The following SLC39A12 variants were observed in gnomAD, a reference collection of about 807,000 sequenced individuals.
SLC39A12 encodes the protein zinc transporter ZIP12.
A neutral mutation model predicts 71.1 loss-of-function variants in SLC39A12; 63 were observed. That is an observed-to-expected ratio of 0.89 (90% CI 0.72 to 1.09). The LOEUF (loss-of-function observed/expected upper bound fraction) is 1.09, where lower values mean the gene tolerates loss of function less well. Ranked by LOEUF, SLC39A12 falls within the 50% of genes least tolerant of loss-of-function variation. The probability of loss-of-function intolerance (pLI) is 0.00; values close to 1 mark genes in which losing one functional copy is unlikely to be tolerated. For synonymous variants in SLC39A12, 351 were observed against 301.3 expected (o/e 1.16, Z -1.71); for missense variants, 892 against 812.6 (o/e 1.10, Z -1.19).
At chr10:17,953,866 A>G (rs1554847481) in intron 2 of SLC39A12, among the ~76,000 whole-genome samples, 1 of 152,216 alleles carries the variant, frequency 6.6e-6, no homozygotes, top group Non-Finnish European at 1.5e-5. Context: ...CCTTCAGTGC[A>G]CTTGCACGTG....
chr10:18,042,708 C>A lies in SLC39A12; in HGVS notation c.1951C>A (p.Pro651Thr). 1 of 1,602,086 alleles carries A rather than the reference C, an allele frequency of 6.2e-7. No homozygotes were observed. Among genetic ancestry groups the A allele is most frequent in the Non-Finnish European group, 8.5e-7 (1 of 1,175,832 alleles). The part of the protein sequence containing the change: ...FLYLSLVEML[P>T]EMTHVQTQRP... ...TGGTTTTTTATTCTTTTTTTAGCTT[C>A]CTGAAATGACTCATGTTCAAACACA... Residue 651 changes from proline (P) to threonine (T), a missense_variant, in exon 13 of 13, where the codon CCT (proline) becomes ACT (threonine). By Grantham distance (38) the Pro-to-Thr change is conservative. Transcript: ENST00000377369.
Position 18,000,768 on chromosome 10 carries a change from G to A in SLC39A12, c.1702G>A (p.Glu568Lys), listed in dbSNP as rs1251522991. 3.1e-6 allele frequency: 5 copies of A among 1,614,050 alleles called. No homozygotes were observed. The African/African-American group carries it at 4.0e-5, about 13-fold the overall frequency. The change falls in exon 11 of 13, where the codon GAG becomes AAG. Residue 568 changes from glutamate (E) to lysine (K), a missense_variant. Coordinates refer to ENST00000377369, the MANE Select transcript of SLC39A12 (RefSeq NM_001145195.2). Reference protein sequence around the residue: ...AIGAAFSSSSESGVTTTIAIL... With the variant: ...AIGAAFSSSSKSGVTTTIAIL... The stretch of plus-strand genomic sequence containing the variant: ...AGGAGCAGCCTTCTCATCATCATCC[G>A]AGTCAGGAGTGACCACTACGATTGC...
At chr10:18,024,644 G>T (rs528613269) in intron 12 of SLC39A12, among the ~76,000 whole-genome samples, 42 of 152,256 alleles carry the variant, frequency 2.8e-4, no homozygotes, top group African/African-American at 9.9e-4. Flanking sequence ...GCACACGCTA[G>T]CTACTTCTAG....
intron 10 of SLC39A12, among the ~76,000 whole-genome samples, chr10:17,996,110 C>T (rs958457313): frequency 6.6e-6 from 1 of 152,180 alleles, no homozygotes; most frequent in African/African-American, 2.4e-5. Flanking sequence ...GCACTGTCTA[C>T]TGAAAATTCA....
chr10:17,955,718 AT>A (rs1834528540), intron 2 of SLC39A12, among the ~76,000 whole-genome samples: 5 of 152,154 alleles, frequency 3.3e-5, no homozygotes. Context: ...TAAAAAGTGA[AT>A]TTTTTAAAAA....
Position 18,038,191 on chromosome 10 carries a change from T to G in SLC39A12, c.1948-4514T>G, listed in dbSNP as rs536914657. Among the ~76,000 whole-genome samples the G allele has an allele frequency of 2.0e-5, 3 of 152,062 alleles. No individual in the cohort carries two copies. The East Asian group carries it at 5.8e-4, about 29-fold the overall frequency. ...GAGTTGTGAAAATGTTCATGGTGTT[T>G]TCTGGTGGATAATGCCGTCATTTAT... is the stretch of plus-strand genomic sequence containing the variant. On this transcript the variant is annotated intron_variant, in intron 12 of 12. Transcript: ENST00000377369.
chr10:17,991,424 G>A lies in SLC39A12; in HGVS notation c.1422+121G>A, dbSNP rs1835544693. ...CTGTGTAAGGGATGTCTAATGGAATGCTGATTTCAAGAATACACAGCTCCT... is the reference window on the plus strand; with the variant it reads ...CTGTGTAAGGGATGTCTAATGGAATACTGATTTCAAGAATACACAGCTCCT... On this transcript the variant is annotated intron_variant, in intron 8 of 12. Coordinates refer to ENST00000377369, the MANE Select transcript of SLC39A12 (RefSeq NM_001145195.2). 9 of 711,970 alleles carry A rather than the reference G, an allele frequency of 1.3e-5. No homozygotes were observed. The South Asian group carries it at 2.7e-4, about 21-fold the overall frequency. The allele number at this position is 711,970 out of a possible 1,614,324, so 44.1% of individuals were successfully genotyped here.
intron 12 of SLC39A12, among the ~76,000 whole-genome samples, chr10:18,007,651 A>G (rs1347630645): frequency 6.6e-6 from 1 of 152,256 alleles, no homozygotes; most frequent in Non-Finnish European, 1.5e-5. Flanking sequence ...TATGCTAAAC[A>G]AGGGTTGGAT....
At chr10:18,025,696 GTGTGCA>G (rs1483811944) in intron 12 of SLC39A12, among the ~76,000 whole-genome samples, 1 of 152,192 alleles carries the variant, frequency 6.6e-6, no homozygotes, top group East Asian at 1.9e-4. Flanking sequence ...GTAAACATAC[GTGTGCA>G]TGTGTCTTTA....
At chr10:17,975,827 G>A (rs1239314030) in intron 4 of SLC39A12, among the ~76,000 whole-genome samples, 1 of 152,168 alleles carries the variant, frequency 6.6e-6, no homozygotes, top group African/African-American at 2.4e-5. Flanking sequence ...CAAGGCTTGT[G>A]GGGGAAGTCA....
At chr10:17,987,286 G>T (rs2130818702) in intron 6 of SLC39A12, among the ~76,000 whole-genome samples, 193 bp from the exon 7 acceptor site, 1 of 152,310 alleles carries the variant, frequency 6.6e-6, no homozygotes, top group Non-Finnish European at 1.5e-5. Context: ...AGAGAGCTAT[G>T]ATAGTGCCAC....
chr10:17,986,855 C>G (rs1300824196), intron 6 of SLC39A12, among the ~76,000 whole-genome samples: 2 of 152,002 alleles, frequency 1.3e-5, no homozygotes, highest in African/African-American at 2.4e-5. Flanking sequence ...AAAATAAAAG[C>G]TTAGCCAGGC....
In SLC39A12 at chr10:17,982,652, G is replaced by A. The variant is rs76679576; in HGVS notation, c.1096+1169G>A. Among the ~76,000 whole-genome samples, 41 of 152,304 alleles carry A rather than the reference G, an allele frequency of 2.7e-4. No homozygotes were observed. The East Asian group carries it at 7.9e-3, about 29-fold the overall frequency. ...TAATAGTGAGCAGCCAAATAACTCA[G>A]CACTTGGTGGTCATTCAGTGAGGCT... On this transcript the variant is annotated intron_variant, in intron 6 of 12. Coordinates refer to ENST00000377369, the MANE Select transcript of SLC39A12 (RefSeq NM_001145195.2).
chr10:18,023,213 T>C (rs1386282828), intron 12 of SLC39A12, among the ~76,000 whole-genome samples: 2 of 152,118 alleles, frequency 1.3e-5, no homozygotes, highest in African/African-American at 4.8e-5. Flanking sequence ...CACTTATCTC[T>C]TGGGGCTCCA....
chr10:18,018,596 G>A (rs1217522876), intron 12 of SLC39A12, among the ~76,000 whole-genome samples: 5 of 152,014 alleles, frequency 3.3e-5, no homozygotes, highest in Non-Finnish European at 4.4e-5. Context: ...ACTGAATGTT[G>A]GATTTTGTCA....
intron 12 of SLC39A12, among the ~76,000 whole-genome samples, chr10:18,035,025 T>G (rs1346217538): frequency 6.7e-6 from 1 of 149,118 alleles, no homozygotes; most frequent in Admixed American, 6.7e-5. Flanking sequence ...CCGCTGTTAG[T>G]CTGATGGGCT....
At chr10:18,039,343 A>T (rs775765312) in intron 12 of SLC39A12, among the ~76,000 whole-genome samples, 1 of 152,186 alleles carries the variant, frequency 6.6e-6, no homozygotes, top group Non-Finnish European at 1.5e-5. Context: ...ATGCAGTTTG[A>T]GATGCAGCTT....
chr10:18,002,608 T>G (rs534360191), intron 11 of SLC39A12: 1 of 152,306 alleles, frequency 6.6e-6, no homozygotes, highest in African/African-American at 2.4e-5. Context: ...TCAGATTTAC[T>G]AACAGGTCAA....
intron 12 of SLC39A12, among the ~76,000 whole-genome samples, chr10:18,040,534 C>T (rs1004870229): frequency 2.0e-5 from 3 of 152,058 alleles, no homozygotes; most frequent in Admixed American, 6.5e-5. Context: ...CTTTAGGAGG[C>T]CAAGGCAGGT....
Sources: gnomAD v4.1 joint callset for allele counts (sites outside exome capture counted in the v4.1 genomes callset) on GRCh38, gnomAD v4.1.1 for gene constraint, MANE v1.5 for transcripts, NCBI Gene and HGNC (gene_info 2026-07-23, HGNC 2026-07-21) for gene names.